Variants in SYT10 observed in about 807,000 individuals in gnomAD.
SYT10 encodes synaptotagmin 10, also known as synaptotagmin-10.
Under a neutral mutation model 51.1 loss-of-function variants are expected in SYT10, and 31 were observed. The observed-to-expected ratio is 0.61, with a 90% confidence interval of 0.46 to 0.82. The LOEUF (loss-of-function observed/expected upper bound fraction) is 0.82. Ranked by LOEUF, SYT10 falls within the 40% of genes least tolerant of loss-of-function variation. The pLI, the probability that SYT10 is intolerant of heterozygous loss-of-function variation, is 0.00. For synonymous variants in SYT10, 233 were observed against 225.9 expected (o/e 1.03, Z -0.28); for missense variants, 603 against 634.0 (o/e 0.95, Z 0.53).
At chr12:33,416,438 C>T (rs1194132890) in intron 2 of SYT10, among the ~76,000 whole-genome samples, 2 of 152,118 alleles carry the variant, frequency 1.3e-5, no homozygotes, top group Non-Finnish European at 2.9e-5. Flanking sequence ...GTCAAGAAAT[C>T]ACACTTCCAT....
At chr12:33,404,826 T>C (rs1866338777) in intron 3 of SYT10, 1 of 152,236 alleles carries the variant, frequency 6.6e-6, no homozygotes, top group Non-Finnish European at 1.5e-5. Context: ...GTAAGCTAAA[T>C]TTGTGGTAAT....
At chr12:33,428,261 A>T (rs925789753) in intron 1 of SYT10, among the ~76,000 whole-genome samples, 7 of 152,242 alleles carry the variant, frequency 4.6e-5, no homozygotes, top group Non-Finnish European at 1.0e-4. Flanking sequence ...ATGCAACTTA[A>T]ATAAATTGCA....
intron 2 of SYT10, among the ~76,000 whole-genome samples, chr12:33,414,202 C>T (rs79182499): frequency 1.3e-5 from 2 of 152,138 alleles, no homozygotes; most frequent in Non-Finnish European, 2.9e-5. Context: ...TAGAAACATA[C>T]AAAGAGACTT....
chr12:33,404,962 A>C (rs1866339947), intron 3 of SYT10: 1 of 152,212 alleles, frequency 6.6e-6, no homozygotes, highest in African/African-American at 2.4e-5. Flanking sequence ...TAAAGTTTCC[A>C]CAAGGAACTC....
chr12:33,421,763 C>G (rs998683331), intron 2 of SYT10, among the ~76,000 whole-genome samples: 1 of 152,066 alleles, frequency 6.6e-6, no homozygotes, highest in African/African-American at 2.4e-5. Flanking sequence ...ATTGTAATTA[C>G]AGCTTTAAAT....
intron 3 of SYT10, among the ~76,000 whole-genome samples, chr12:33,392,129 C>T (rs1310933778): frequency 6.6e-6 from 1 of 152,126 alleles, no homozygotes; most frequent in Non-Finnish European, 1.5e-5. Context: ...TTTATTGGAC[C>T]TTATTTCTCT....
At chr12:33,408,844 T>C (rs1866381409) in intron 2 of SYT10, among the ~76,000 whole-genome samples, 1 of 149,506 alleles carries the variant, frequency 6.7e-6, no homozygotes. Flanking sequence ...CAGTCACTCA[T>C]GCTTCCAAGA....
At chr12:33,411,109 G>T (rs536731694) in intron 2 of SYT10, among the ~76,000 whole-genome samples, 4 of 152,200 alleles carry the variant, frequency 2.6e-5, no homozygotes, top group African/African-American at 9.6e-5. Flanking sequence ...TTTCACTGAG[G>T]CAGTCTGGGT....
At chr12:33,410,640 C>T (rs182167620) in intron 2 of SYT10, among the ~76,000 whole-genome samples, 2 of 152,320 alleles carry the variant, frequency 1.3e-5, no homozygotes, top group East Asian at 1.9e-4. Context: ...TCGTCCTCCA[C>T]ATTCTGCTCA....
chr12:33,434,666 G>A (rs1157822371), intron 1 of SYT10, among the ~76,000 whole-genome samples: 1 of 152,106 alleles, frequency 6.6e-6, no homozygotes, highest in East Asian at 1.9e-4. Context: ...TTAGCTGGGC[G>A]TGGTGGCACA....
chr12:33,435,607 G>A (rs1246769783), intron 1 of SYT10, among the ~76,000 whole-genome samples: 1 of 152,166 alleles, frequency 6.6e-6, no homozygotes, highest in Non-Finnish European at 1.5e-5. Context: ...CTGATAATAT[G>A]TTTGTGAATT....
chr12:33,416,271 C>T (rs769084550), intron 2 of SYT10, among the ~76,000 whole-genome samples: 7 of 151,976 alleles, frequency 4.6e-5, no homozygotes, highest in Non-Finnish European at 7.4e-5. Flanking sequence ...TTAGTAGAGA[C>T]GGGGTTTCAT....
chr12:33,426,138 C>G lies in SYT10; in HGVS notation c.509G>C (p.Arg170Pro). The change falls in exon 2 of 7, where the codon CGC becomes CCC. Residue 170 changes from arginine (R) to proline (P), a missense_variant and splice_region_variant. Arg to Pro is a moderately radical substitution (Grantham distance 103). Transcript: ENST00000228567. ...RQITEPTSST[R>P]HSSFRRHLPR... Reference sequence around the variant, plus strand: ...TTTTATATATTTAATCTTTCCTTACCGGGTTGATGACGTAGGCTCAGTAAT... The same window carrying G: ...TTTTATATATTTAATCTTTCCTTACGGGGTTGATGACGTAGGCTCAGTAAT... 2 of 1,593,456 alleles carry G rather than the reference C, an allele frequency of 1.3e-6. No homozygotes were observed. The highest frequency in any genetic ancestry group is 1.7e-6 in the Non-Finnish European group (2 of 1,172,936).
intron 1 of SYT10, 139 bp downstream of exon 1, chr12:33,439,232 AG>A (rs2138446653): frequency 9.0e-7 from 1 of 1,111,028 alleles, no homozygotes; most frequent in East Asian, 2.5e-5. Flanking sequence ...AGCTGAGCGA[AG>A]GAAGGAGCGA....
intron 1 of SYT10, among the ~76,000 whole-genome samples, chr12:33,437,752 A>G (rs115641288): frequency 0.011 from 1,624 of 152,172 alleles, 33 homozygotes; most frequent in African/African-American, 0.035. Context: ...AGAAAAGCTT[A>G]TCTAATATCA....
At chr12:33,438,883 G>A (rs1275211233) in intron 1 of SYT10, among the ~76,000 whole-genome samples, 24 of 152,272 alleles carry the variant, frequency 1.6e-4, no homozygotes, top group Admixed American at 1.3e-4. Context: ...CCTCTGCAAG[G>A]GAGTTCTGCG....
At chr12:33,394,696 T>C (rs1472720517) in intron 3 of SYT10, among the ~76,000 whole-genome samples, 1 of 152,272 alleles carries the variant, frequency 6.6e-6, no homozygotes, top group African/African-American at 2.4e-5. Flanking sequence ...TTCTAAGCGA[T>C]ACAGCTAAAG....
At chr12:33,424,230 G>A (rs1056084462) in intron 2 of SYT10, among the ~76,000 whole-genome samples, 3 of 152,124 alleles carry the variant, frequency 2.0e-5, no homozygotes, top group Middle Eastern at 3.4e-3. Flanking sequence ...CTTTGCTCAC[G>A]TGTTTTCATT....
intron 2 of SYT10, among the ~76,000 whole-genome samples, chr12:33,418,115 C>G (rs1866470713): frequency 6.6e-6 from 1 of 152,162 alleles, no homozygotes; most frequent in Non-Finnish European, 1.5e-5. Flanking sequence ...ACCACAATCG[C>G]TCTTGAAAAT....
Sources: gnomAD v4.1 joint callset for allele counts (sites outside exome capture counted in the v4.1 genomes callset) on GRCh38, gnomAD v4.1.1 for gene constraint, MANE v1.5 for transcripts, NCBI Gene and HGNC (gene_info 2026-07-23, HGNC 2026-07-21) for gene names.